The following ELMOD1 variants were observed in gnomAD, a reference collection of about 807,000 sequenced individuals.
ELMOD1 encodes ELMO domain containing 1.
Under a neutral mutation model 46.7 loss-of-function variants are expected in ELMOD1, and 21 were observed. The observed-to-expected ratio is 0.45, with a 90% confidence interval of 0.32 to 0.65. The LOEUF is 0.65. Ranked by LOEUF, ELMOD1 falls within the 30% of genes least tolerant of loss-of-function variation. ELMOD1 has a pLI of 0.04. For missense variants in ELMOD1, 348 were observed against 407.8 expected, an observed-to-expected ratio of 0.85 and a Z score of 1.26; for synonymous variants, 122 against 138.2, an observed-to-expected ratio of 0.88 and a Z score of 0.82.
chr11:107,617,090 A>AT (rs1377555550), intron 1 of ELMOD1, among the ~76,000 whole-genome samples: 15 of 152,312 alleles, frequency 9.8e-5, no homozygotes, highest in East Asian at 9.6e-4. Flanking sequence ...TGAGAAGATC[A>AT]TTTTTCTCCT....
At chr11:107,592,517 T>G (rs1865420628) in intron 1 of ELMOD1, 3 of 500,746 alleles carry the variant, frequency 6.0e-6, no homozygotes, top group South Asian at 1.5e-5. Context: ...ATGCTTGTAT[T>G]GGGATAAATG....
intron 1 of ELMOD1, among the ~76,000 whole-genome samples, chr11:107,601,475 G>A (rs1454143382): frequency 6.8e-6 from 1 of 148,018 alleles, no homozygotes; most frequent in Non-Finnish European, 1.5e-5. Flanking sequence ...GAGTGCAGTG[G>A]CATGATCTTG....
chr11:107,642,620 C>T (rs373232811), intron 6 of ELMOD1, among the ~76,000 whole-genome samples: 4 of 152,218 alleles, frequency 2.6e-5, no homozygotes, highest in Admixed American at 2.6e-4. Flanking sequence ...CCACCTCAGC[C>T]TCCCAAAGTG....
At chr11:107,664,907 T>G in intron 11 of ELMOD1, 118 bp from the exon 12 acceptor site, 21 of 903,694 alleles carry the variant, frequency 2.3e-5, no homozygotes, top group Non-Finnish European at 3.4e-5. Context: ...AGGTCTTCTT[T>G]GAGCTCCACG....
rs138714411 is a variant in ELMOD1 at position 107,605,382 on chromosome 11, G to A, written c.-85-12723G>A. Reference sequence around the variant, plus strand: ...GCCTGGCTAAGTTTTTGTACTTTTAGTAGAGATGGGTTTTCACCATGTTGC... The same window carrying A: ...GCCTGGCTAAGTTTTTGTACTTTTAATAGAGATGGGTTTTCACCATGTTGC... On this transcript the variant is annotated intron_variant, in intron 1 of 11. Transcript: ENST00000265840. Among the ~76,000 whole-genome samples the A allele has an allele frequency of 9.7e-3, 1,471 of 152,012 alleles. 25 individuals are homozygous for A. Among genetic ancestry groups the A allele is most frequent in the African/African-American group, 0.034 (1,402 of 41,470 alleles).
chr11:107,654,087 A>G (rs1056034260), intron 9 of ELMOD1, 85 bp from the exon 10 acceptor site: 4 of 1,119,206 alleles, frequency 3.6e-6, no homozygotes, highest in Non-Finnish European at 5.3e-6. Context: ...CATATAGTTA[A>G]CAGTTTTAAC....
At chr11:107,645,514 G>A (rs1470340295) in intron 6 of ELMOD1, among the ~76,000 whole-genome samples, 1 of 151,616 alleles carries the variant, frequency 6.6e-6, no homozygotes, top group South Asian at 2.1e-4. Context: ...TAGTAGGGAT[G>A]GGGTTTCACT....
intron 7 of ELMOD1, among the ~76,000 whole-genome samples, chr11:107,647,814 C>A (rs1328364940): frequency 1.3e-5 from 2 of 152,070 alleles, no homozygotes; most frequent in African/African-American, 4.8e-5. Context: ...TAAAGCAAAT[C>A]TCAAATATAT....
intron 1 of ELMOD1, among the ~76,000 whole-genome samples, chr11:107,596,073 G>A (rs530891282): frequency 6.6e-6 from 1 of 152,156 alleles, no homozygotes; most frequent in East Asian, 1.9e-4. Context: ...AGATTCAAAA[G>A]TCTTTACATA....
chr11:107,602,797 A>T (rs1329446879), intron 1 of ELMOD1, among the ~76,000 whole-genome samples: 1 of 149,334 alleles, frequency 6.7e-6, no homozygotes, highest in Non-Finnish European at 1.5e-5. Flanking sequence ...TAGTTGTCTG[A>T]TAACCCTTGG....
intron 6 of ELMOD1, among the ~76,000 whole-genome samples, chr11:107,640,497 A>C (rs1322155437): frequency 6.6e-6 from 1 of 152,192 alleles, no homozygotes. Flanking sequence ...GAAAGGCATA[A>C]ACTATTTATA....
intron 6 of ELMOD1, among the ~76,000 whole-genome samples, chr11:107,638,453 A>G (rs1044783387): frequency 8.5e-5 from 13 of 152,140 alleles, no homozygotes; most frequent in African/African-American, 2.9e-4. Flanking sequence ...TGAAGTGGCT[A>G]TGTGAGCTCA....
intron 1 of ELMOD1, among the ~76,000 whole-genome samples, chr11:107,616,643 T>C (rs1447961564): frequency 6.6e-6 from 1 of 152,266 alleles, no homozygotes; most frequent in Non-Finnish European, 1.5e-5. Flanking sequence ...TTTCCCAAAG[T>C]GCTGGGATTA....
chr11:107,648,425 C>T (rs983238979), intron 7 of ELMOD1, among the ~76,000 whole-genome samples: 1 of 152,182 alleles, frequency 6.6e-6, no homozygotes, highest in African/African-American at 2.4e-5. Flanking sequence ...TTCAGATTGA[C>T]ATCACAGCGG....
intron 6 of ELMOD1, among the ~76,000 whole-genome samples, chr11:107,641,240 C>T (rs748541654): frequency 2.2e-4 from 34 of 151,520 alleles, no homozygotes; most frequent in Admixed American, 7.2e-4. Flanking sequence ...TGCAGTGAAC[C>T]GAGATCATGC....
intron 1 of ELMOD1, chr11:107,591,996 G>A (rs746790279): frequency 1.9e-6 from 1 of 515,118 alleles, no homozygotes; most frequent in African/African-American, 1.9e-5. Flanking sequence ...TCTCTTTCCC[G>A]GGCAGGTAGA....
At chr11:107,611,209 G>A (rs1865775261) in intron 1 of ELMOD1, among the ~76,000 whole-genome samples, 1 of 152,036 alleles carries the variant, frequency 6.6e-6, no homozygotes, top group African/African-American at 2.4e-5. Flanking sequence ...CACAAACTAT[G>A]CATCTGACAA....
intron 1 of ELMOD1, among the ~76,000 whole-genome samples, chr11:107,616,631 G>C (rs547690991): frequency 6.6e-6 from 1 of 152,072 alleles, no homozygotes; most frequent in South Asian, 2.1e-4. Flanking sequence ...TGCCTGCCTC[G>C]GTTTCCCAAA....
intron 6 of ELMOD1, among the ~76,000 whole-genome samples, chr11:107,639,368 T>C (rs1866281560): frequency 6.6e-6 from 1 of 152,198 alleles, no homozygotes; most frequent in Non-Finnish European, 1.5e-5. Flanking sequence ...AATTGAATAA[T>C]ATCACTGTCC....
Sources: allele counts gnomAD v4.1 joint callset (sites outside exome capture counted in the v4.1 genomes callset), GRCh38; gene constraint gnomAD v4.1.1; transcripts MANE v1.5; gene names NCBI Gene and HGNC (gene_info 2026-07-23, HGNC 2026-07-21).